SEC14L2: variants seen among roughly 807,000 people sequenced by gnomAD.
SEC14L2 encodes the protein SEC14 like lipid binding 2.
A neutral mutation model predicts 56.9 loss-of-function variants in SEC14L2; 50 were observed. The ratio of observed to expected loss-of-function variants is 0.88; its 90% CI spans 0.70 to 1.11. The LOEUF (loss-of-function observed/expected upper bound fraction) is 1.11, where lower values mean the gene tolerates loss of function less well. Ranked by LOEUF, SEC14L2 falls within the 50% of genes most tolerant of loss-of-function variation. SEC14L2 has a pLI of 0.00. For missense variants in SEC14L2, 414 were observed against 500.7 expected (o/e 0.83, Z 1.65); for synonymous variants, 179 against 188.5 (o/e 0.95, Z 0.41).
Position 30,424,415 on chromosome 22 carries a change from A to G in SEC14L2, c.*2008A>G. 2 of 332,684 alleles carry G rather than the reference A, an allele frequency of 6.0e-6. No homozygotes were observed. Among genetic ancestry groups the G allele is most frequent in the Non-Finnish European group, 5.9e-6 (1 of 169,640 alleles). 20.6% of individuals were successfully genotyped at this position (332,684 alleles called of 1,614,324 possible). On this transcript the variant is annotated 3_prime_UTR_variant, in exon 12 of 12. Coordinates refer to ENST00000615189, the MANE Select transcript of SEC14L2 (RefSeq NM_012429.5). ...TGTCCTATACAGCCCTACAAGACAGAGGCGCCTAGGGCTGAAAGCGGGGGC... is the reference window on the plus strand; with the variant it reads ...TGTCCTATACAGCCCTACAAGACAGGGGCGCCTAGGGCTGAAAGCGGGGGC...
rs1029528324 is a variant in SEC14L2 at position 30,425,120 on chromosome 22, C to G, written c.*2713C>G. 1 of 227,248 alleles carries G rather than the reference C, an allele frequency of 4.4e-6. No individual in the cohort carries two copies. Among genetic ancestry groups the G allele is most frequent in the African/African-American group, 2.3e-5 (1 of 43,500 alleles). The allele number at this position is 227,248 out of a possible 1,614,324, so 14.1% of individuals were successfully genotyped here. The stretch of plus-strand genomic sequence containing the variant: ...ATCCACACTGTTTGGATTCAAATCA[C>G]AACTTCACCACTTAGCAGCTGTGTG... On this transcript the variant is annotated 3_prime_UTR_variant, in exon 12 of 12. Transcript: ENST00000615189.
chr22:30,408,086 G>A (rs1283043126), intron 5 of SEC14L2, among the ~76,000 whole-genome samples: 24 of 151,136 alleles, frequency 1.6e-4, no homozygotes, highest in African/African-American at 5.6e-4. Context: ...CTCCAGCCTG[G>A]GCGACAGAGA....
intron 11 of SEC14L2, 180 bp downstream of exon 11, chr22:30,416,583 C>T: frequency 6.7e-7 from 1 of 1,485,736 alleles, no homozygotes; most frequent in Non-Finnish European, 8.9e-7. Context: ...TTTATGGTGA[C>T]CCAACTGGTT....
intron 3 of SEC14L2, 122 bp downstream of exon 3, chr22:30,406,507 G>A: frequency 2.2e-6 from 2 of 926,356 alleles, no homozygotes; most frequent in Non-Finnish European, 3.4e-6. Context: ...GCCGACCACT[G>A]TTGCCTTATC....
intron 11 of SEC14L2, chr22:30,421,164 AACACACACACACACAC>A (rs3831694): frequency 4.0e-5 from 6 of 150,388 alleles, no homozygotes; most frequent in Non-Finnish European, 8.9e-5. Context: ...GACATACACA[AACACACACACACACAC>A]ACACACACAC....
chr22:30,409,481 TTAAAGG>T lies in SEC14L2; in HGVS notation c.579_580+4del. 6.2e-7 allele frequency: 1 copy of T among 1,614,060 alleles called. No homozygotes were observed. Among genetic ancestry groups the T allele is most frequent in the African/African-American group, 1.3e-5 (1 of 75,012 alleles). Reference sequence around the variant, plus strand: ...GAAACACTGAAGCGTCTTTTTGTTGTTAAAGGTAAGTTGGGAATTTCTTGTGATAAA... The same window carrying T: ...GAAACACTGAAGCGTCTTTTTGTTGTTAAGTTGGGAATTTCTTGTGATAAA... On this transcript the variant is annotated splice_donor_variant and coding_sequence_variant, in exon 7 of 12. Coordinates refer to ENST00000615189, the MANE Select transcript of SEC14L2 (RefSeq NM_012429.5). LOFTEE classifies it high-confidence loss of function.
At chr22:30,415,508 C>G (rs1340964957) in intron 8 of SEC14L2, among the ~76,000 whole-genome samples, 1 of 152,174 alleles carries the variant, frequency 6.6e-6, no homozygotes, top group Non-Finnish European at 1.5e-5. Context: ...TGTCACTTAG[C>G]TGTTCAGACA....
intron 10 of SEC14L2, 58 bp downstream of exon 10, chr22:30,416,145 G>A (rs1419934761): frequency 6.2e-7 from 1 of 1,610,456 alleles, no homozygotes; most frequent in Non-Finnish European, 8.5e-7. Context: ...CCTGATAGGT[G>A]GGCTGGAATA....
chr22:30,404,726 GT>G (rs1934043985), intron 2 of SEC14L2, among the ~76,000 whole-genome samples: 1 of 152,148 alleles, frequency 6.6e-6, no homozygotes, highest in African/African-American at 2.4e-5. Flanking sequence ...GATTTGGGGG[GT>G]TTCAGTGCCT....
rs753718486 is a variant in SEC14L2 at position 30,416,395 on chromosome 22, C to T, written c.1073C>T (p.Pro358Leu). 1 of 1,614,258 alleles carries T rather than the reference C, an allele frequency of 6.2e-7. No homozygotes were observed. Among genetic ancestry groups the T allele is most frequent in the South Asian group, 1.1e-5 (1 of 91,088 alleles). ...GATGGGACCCTCACCTGCAGTGATC[C>T]TGGCATCTGTAAGTATCTCTGCCTT... ...PEDGTLTCSD[P>L]GIYVLRFDNT... The change falls in exon 11 of 12, where the codon CCT (proline) becomes CTT (leucine). Residue 358 changes from proline to leucine, a missense_variant. Transcript: ENST00000615189.
chr22:30,404,343 G>GC (rs1934032553), intron 2 of SEC14L2, among the ~76,000 whole-genome samples: 1 of 152,194 alleles, frequency 6.6e-6, no homozygotes, highest in African/African-American at 2.4e-5. Context: ...GATGGGTGTG[G>GC]CATTGTTCAA....
chr22:30,415,676 C>T (rs1295549371), intron 8 of SEC14L2, 83 bp from the exon 9 acceptor site: 3 of 1,244,104 alleles, frequency 2.4e-6, no homozygotes, highest in Admixed American at 2.0e-5. Flanking sequence ...TTTTCTGCCT[C>T]TTTAGTGTAG....
Position 30,422,494 on chromosome 22 carries a change from A to G in SEC14L2, c.*87A>G. ...AGCAGTCATTTTCGCACAACCCTGAAGCCCAAAGAAACTGGGCTGGAGGAC... is the reference window on the plus strand; with the variant it reads ...AGCAGTCATTTTCGCACAACCCTGAGGCCCAAAGAAACTGGGCTGGAGGAC... On this transcript the variant is annotated 3_prime_UTR_variant, in exon 12 of 12. Transcript: ENST00000615189. The G allele has an allele frequency of 6.5e-7, 1 of 1,541,110 alleles. No homozygotes were observed. The highest frequency in any genetic ancestry group is 8.8e-7 in the Non-Finnish European group (1 of 1,137,838).
chr22:30,404,015 A>G (rs1356750666), intron 2 of SEC14L2, among the ~76,000 whole-genome samples: 1 of 133,440 alleles, frequency 7.5e-6, no homozygotes, highest in African/African-American at 2.8e-5. Flanking sequence ...GTCTCAAAAA[A>G]AAAAAAAAAA....
chr22:30,406,458 A>T, intron 3 of SEC14L2, 73 bp downstream of exon 3: 3 of 1,446,004 alleles, frequency 2.1e-6, no homozygotes, highest in Non-Finnish European at 1.9e-6. Context: ...CTTTTGCCGC[A>T]CCTCCCATCC....
At chr22:30,414,120 T>C (rs1934325476) in intron 8 of SEC14L2, among the ~76,000 whole-genome samples, 1 of 152,230 alleles carries the variant, frequency 6.6e-6, no homozygotes, top group Non-Finnish European at 1.5e-5. Flanking sequence ...CATGAGCCAC[T>C]GCACCCAGCC....
chr22:30,405,422 G>A (rs886110807), intron 2 of SEC14L2, among the ~76,000 whole-genome samples: 1 of 152,180 alleles, frequency 6.6e-6, no homozygotes, highest in East Asian at 1.9e-4. Flanking sequence ...AGTGGCCTTG[G>A]GGGTCAGTGA....
rs115302370 is a variant in SEC14L2 at position 30,422,828 on chromosome 22, A to G, written c.*421A>G. ...AATGAACACATAAGTTTAGATCGCA[A>G]TGAGGAGTAGCAGGGTAGCTGGTTG... is the stretch of plus-strand genomic sequence containing the variant. On this transcript the variant is annotated 3_prime_UTR_variant, in exon 12 of 12. Coordinates refer to ENST00000615189, the MANE Select transcript of SEC14L2 (RefSeq NM_012429.5). 1,258 of 158,848 alleles carry G rather than the reference A, an allele frequency of 7.9e-3. 22 individuals are homozygous for G. Among genetic ancestry groups the G allele is most frequent in the African/African-American group, 0.028 (1,188 of 41,716 alleles). 9.8% of individuals were successfully genotyped at this position (158,848 alleles called of 1,614,324 possible). A position where few individuals can be genotyped will look rare whatever the true frequency, so the allele number is the denominator to read the frequency against.
chr22:30,412,683 G>T (rs1202492993), intron 8 of SEC14L2, among the ~76,000 whole-genome samples: 2 of 151,648 alleles, frequency 1.3e-5, no homozygotes, highest in Admixed American at 6.6e-5. Flanking sequence ...AATTAGCCAG[G>T]TTTGGTGGTG....
Sources: allele counts gnomAD v4.1 joint callset (sites outside exome capture counted in the v4.1 genomes callset), GRCh38; gene constraint gnomAD v4.1.1; transcripts MANE v1.5; gene names NCBI Gene and HGNC (gene_info 2026-07-23, HGNC 2026-07-21).